The following GUCY2D variants were observed in gnomAD, a reference collection of about 807,000 sequenced individuals.
GUCY2D encodes the protein retinal guanylyl cyclase 1.
In GUCY2D, 70 loss-of-function variants were observed where a neutral mutation model predicts 101.3. The observed-to-expected ratio is 0.69, with a 90% CI of 0.57 to 0.84. GUCY2D has a LOEUF of 0.84. GUCY2D is among the 40% of genes least tolerant of loss of function. The probability of loss-of-function intolerance (pLI) is 0.00; values close to 1 mark genes in which losing one functional copy is unlikely to be tolerated. For synonymous variants in GUCY2D, 688 were observed against 670.7 expected (o/e 1.03, Z -0.40); for missense variants, 1,460 against 1,542.5 (o/e 0.95, Z 0.90).
At position 8,003,752 on chromosome 17, in the gene GUCY2D, C is replaced by A. The variant is rs1460692143; in HGVS notation, c.705C>A (p.Asp235Glu). The A allele has an allele frequency of 6.3e-7, 1 of 1,599,060 alleles. No individual in the cohort carries two copies. Among genetic ancestry groups the A allele is most frequent in the Non-Finnish European group, 8.5e-7 (1 of 1,179,678 alleles). The change falls in exon 2 of 20, where the codon GAC becomes GAA. Residue 235 changes from aspartate to glutamate, a missense_variant. Asp to Glu is a conservative substitution (Grantham distance 45, BLOSUM62 2). Transcript: ENST00000254854. ...GAREALRKVR[D>E]GPRVTAVIMV... ...GGGAGGCCCTGAGGAAGGTTCGGGA[C>A]GGGCCCAGGGTCACAGGTAGGCTCC...
chr17:8,016,228 C>A lies in GUCY2D; in HGVS notation c.3162C>A (p.Phe1054Leu). 2 of 1,592,058 alleles carry A rather than the reference C, an allele frequency of 1.3e-6. No individual in the cohort carries two copies. Among genetic ancestry groups the A allele is most frequent in the East Asian group, 2.3e-5 (1 of 44,066 alleles). The part of the protein sequence containing the change: ...ELKGKGAEDT[F>L]WLVGRRGFNK... Reference sequence around the variant, plus strand: ...AGGGCAAGGGCGCCGAGGACACTTTCTGGCTAGTGGGCAGACGCGGCTTCA... The same window carrying A: ...AGGGCAAGGGCGCCGAGGACACTTTATGGCTAGTGGGCAGACGCGGCTTCA... Residue 1054 changes from phenylalanine (F) to leucine (L), a missense_variant, in exon 18 of 20, where the codon TTC becomes TTA. Around this residue, in one of 3 missense-constraint regions of GUCY2D, gnomAD observed 215 missense variants for 227.9 expected, o/e 0.94. Coordinates refer to ENST00000254854, the MANE Select transcript of GUCY2D (RefSeq NM_000180.4).
intron 19 of GUCY2D, 75 bp downstream of exon 19, chr17:8,016,629 T>C (rs932229903): frequency 1.3e-6 from 1 of 753,672 alleles, no homozygotes; most frequent in Non-Finnish European, 2.2e-6. Flanking sequence ...CCAAGCCAGG[T>C]GTCCCGATCC....
rs1180162649 is a variant in GUCY2D, at chr17:8,003,323, C to T, written c.276C>T (p.Gly92=). Residue 92 remains glycine (G), a synonymous_variant, in exon 2 of 20, where the codon GGC becomes GGT. Transcript: ENST00000254854. The part of the protein sequence containing the change: ...ARLNRDPGLA[G]GPRFEVALLP... ...TGAACCGCGACCCCGGCCTGGCAGG[C>T]GGTCCCCGCTTCGAGGTAGCGCTGC... is the stretch of plus-strand genomic sequence containing the variant. 4 of 1,482,454 alleles carry T rather than the reference C, an allele frequency of 2.7e-6. No individual in the cohort carries two copies. Among genetic ancestry groups the T allele is most frequent in the South Asian group, 1.3e-5 (1 of 78,314 alleles). The allele number at this position is 1,482,454 out of a possible 1,614,324, so 91.8% of individuals were successfully genotyped here. A position where few individuals can be genotyped will look rare whatever the true frequency, so the allele number is the denominator to read the frequency against.
intron 18 of GUCY2D, 64 bp from the exon 19 acceptor site, chr17:8,016,379 G>A (rs1242420231): frequency 6.9e-7 from 1 of 1,440,542 alleles, no homozygotes; most frequent in Non-Finnish European, 9.5e-7. Flanking sequence ...AGGCAGCGAT[G>A]ACGTGGGCCC....
intron 4 of GUCY2D, 121 bp downstream of exon 4, chr17:8,006,835 G>A (rs1378992736): frequency 1.0e-5 from 10 of 988,384 alleles, no homozygotes; most frequent in Admixed American, 7.9e-5. Context: ...CCCTCTCCCA[G>A]CCTCTGGCTT....
intron 5 of GUCY2D, 58 bp downstream of exon 5, chr17:8,007,202 A>C (rs1975762105): frequency 7.7e-7 from 1 of 1,293,436 alleles, no homozygotes; most frequent in African/African-American, 1.5e-5. Context: ...GGAAGTCTGC[A>C]GCAAAAACAG....
chr17:8,007,853 A>G (rs1338424413), intron 6 of GUCY2D, 78 bp from the exon 7 acceptor site: 1 of 899,460 alleles, frequency 1.1e-6, no homozygotes. Context: ...TTAAATCCCC[A>G]AAACTCAGCC....
Position 8,013,177 on chromosome 17 carries a change from T to G in GUCY2D, c.2188T>G (p.Phe730Val), listed in dbSNP as rs1291164005. 20 of 1,613,960 alleles carry G rather than the reference T, an allele frequency of 1.2e-5. No individual in the cohort carries two copies. The highest frequency in any genetic ancestry group is 1.6e-5 in the Non-Finnish European group (19 of 1,179,994). ...ERRGTLAGDV[F>V]SLAIIMQEVV... The stretch of plus-strand genomic sequence containing the variant: ...CCGGGGAACGCTGGCCGGCGACGTC[T>G]TTAGCTTGGCCATCATCATGCAAGA... Residue 730 changes from phenylalanine (F) to valine (V), a missense_variant, in exon 11 of 20, where the codon TTT becomes GTT. This residue lies in a region of GUCY2D where 1,196 missense variants were observed against 1,229.6 expected (regional missense o/e 0.97). Transcript: ENST00000254854. The surrounding 1 kb of genome is among the most constrained non-coding windows in gnomAD (Gnocchi z 5.0).
intron 3 of GUCY2D, 49 bp downstream of exon 3, chr17:8,004,205 C>A: frequency 1.3e-6 from 2 of 1,487,134 alleles, no homozygotes; most frequent in South Asian, 1.2e-5. Flanking sequence ...GGGGAGAGGA[C>A]AGCCAAAGCA....
intron 15 of GUCY2D, 104 bp downstream of exon 15, chr17:8,015,606 C>A: frequency 8.2e-7 from 1 of 1,226,384 alleles, no homozygotes; most frequent in Non-Finnish European, 1.2e-6. Context: ...GTGGGGCTTA[C>A]CTTGAAGAGG....
At chr17:8,015,151 A>G in intron 14 of GUCY2D, 100 bp downstream of exon 14, 1 of 1,159,222 alleles carries the variant, frequency 8.6e-7, no homozygotes, top group Non-Finnish European at 1.3e-6. Flanking sequence ...CTGCCCAATC[A>G]ATCTTCTTTC....
chr17:8,006,836 C>A, intron 4 of GUCY2D, 122 bp downstream of exon 4: 1 of 983,866 alleles, frequency 1.0e-6, no homozygotes, highest in Non-Finnish European at 1.6e-6. Context: ...CCTCTCCCAG[C>A]CTCTGGCTTG....
At chr17:8,004,268 T>C (rs1975699370) in intron 3 of GUCY2D, 112 bp downstream of exon 3, 17 of 1,021,634 alleles carry the variant, frequency 1.7e-5, no homozygotes, top group African/African-American at 3.2e-5. Flanking sequence ...CTCTAGCTGT[T>C]TGGAGTTTCC....
At chr17:8,004,251 C>T (rs1975699025) in intron 3 of GUCY2D, 95 bp downstream of exon 3, 6 of 1,134,480 alleles carry the variant, frequency 5.3e-6, no homozygotes, top group Non-Finnish European at 7.4e-6. Context: ...GAAAGAACCA[C>T]TGGCAGCTCT....
chr17:8,007,379 T>C (rs1433120390), intron 5 of GUCY2D, 47 bp from the exon 6 acceptor site: 8 of 1,297,998 alleles, frequency 6.2e-6, no homozygotes, highest in Non-Finnish European at 9.0e-6. Context: ...TGGTCTCTTC[T>C]GACGGAACTT....
At position 8,003,947 on chromosome 17, in the gene GUCY2D, C is replaced by A; in HGVS notation, c.817C>A (p.Leu273Met). 8 of 1,613,744 alleles carry A rather than the reference C, an allele frequency of 5.0e-6. No homozygotes were observed. The highest frequency in any genetic ancestry group is 6.8e-6 in the Non-Finnish European group (8 of 1,179,898). ...AEELGLTDGSLVFLPFDTIHY... is the reference protein window; with the variant it reads ...AEELGLTDGSMVFLPFDTIHY... ...GGAGCTGGGCCTGACCGATGGCTCC[C>A]TGGTCTTCCTGCCCTTCGACACGAT... The change falls in exon 3 of 20, where the codon CTG (leucine) becomes ATG (methionine). Residue 273 changes from leucine to methionine, a missense_variant. Around this residue, in one of 3 missense-constraint regions of GUCY2D, gnomAD observed 1,196 missense variants for 1,229.6 expected, o/e 0.97. Coordinates refer to ENST00000254854, the MANE Select transcript of GUCY2D (RefSeq NM_000180.4).
In GUCY2D at chr17:8,012,146, C is replaced by T. The variant is rs764099561; in HGVS notation, c.1752C>T (p.Leu584=). The change falls in exon 9 of 20, where the codon CTC becomes CTT. Residue 584 remains leucine, a splice_region_variant and synonymous_variant. Transcript: ENST00000254854. ...CAAGTCAACTCTCCCCCTCTCAGCT[C>T]CAGGAGCTCCGGCATGAGAACGTGG... The part of the protein sequence containing the change: ...RPATKTAFSK[L]QELRHENVAL... 1.2e-6 allele frequency: 2 copies of T among 1,612,562 alleles called. No individual in the cohort carries two copies. The highest frequency in any genetic ancestry group is 1.3e-5 in the African/African-American group (1 of 74,902).
In GUCY2D at chr17:8,014,664, C is replaced by G. The variant is rs1338490917; in HGVS notation, c.2476C>G (p.Gln826Glu). 1 of 1,614,044 alleles carries G rather than the reference C, an allele frequency of 6.2e-7. No individual in the cohort carries two copies. Among genetic ancestry groups the G allele is most frequent in the Non-Finnish European group, 8.5e-7 (1 of 1,179,960 alleles). ...IIDSMLRMLEQYSSNLEDLIR... is the reference protein window; with the variant it reads ...IIDSMLRMLEEYSSNLEDLIR... Reference sequence around the variant, plus strand: ...TGACTCGATGCTTCGGATGCTGGAGCAGTACTCTAGTAACCTGGAGGATCT... The same window carrying G: ...TGACTCGATGCTTCGGATGCTGGAGGAGTACTCTAGTAACCTGGAGGATCT... The change falls in exon 13 of 20, where the codon CAG becomes GAG. Residue 826 changes from glutamine to glutamate, a missense_variant. Physicochemically the swap from Gln to Glu is conservative, Grantham distance 29. Transcript: ENST00000254854. The surrounding 1 kb of genome is among the most constrained non-coding windows in gnomAD (Gnocchi z 4.0).
chr17:8,015,858 C>T lies in GUCY2D; in HGVS notation c.3043+17C>T, dbSNP rs1197074078. ...CCGGGCTGCGTGAGTGTGACGGGGACAAGACGGGGAGGTGGGAGGGGGACA... is the reference window on the plus strand; with the variant it reads ...CCGGGCTGCGTGAGTGTGACGGGGATAAGACGGGGAGGTGGGAGGGGGACA... On this transcript the variant is annotated intron_variant, in intron 16 of 19. Coordinates refer to ENST00000254854, the MANE Select transcript of GUCY2D (RefSeq NM_000180.4). 8.7e-6 allele frequency: 14 copies of T among 1,605,560 alleles called. No individual in the cohort carries two copies. The highest frequency in any genetic ancestry group is 1.3e-5 in the African/African-American group (1 of 74,754).
Sources: allele counts gnomAD v4.1 joint callset, GRCh38; gene constraint gnomAD v4.1.1; regional missense constraint gnomAD v4.1.1; non-coding constraint Gnocchi (gnomAD v3.1); transcripts MANE v1.5; gene names NCBI Gene and HGNC (gene_info 2026-07-23, HGNC 2026-07-21).